EPHA3: variants seen among roughly 807,000 people sequenced by gnomAD.
The protein encoded by EPHA3 is ephrin type-A receptor 3.
In EPHA3, 42 loss-of-function variants were observed where a neutral mutation model predicts 107.1. That is an observed-to-expected ratio of 0.39 (90% CI 0.31 to 0.51). The LOEUF is 0.51. Among genes scored for constraint, EPHA3 ranks in the 20% least tolerant of loss-of-function variants. The pLI is 0.78. For synonymous variants in EPHA3, 461 were observed against 424.8 expected (o/e 1.09, Z -1.05); for missense variants, 1,183 against 1,211.2 (o/e 0.98, Z 0.35).
At chr3:89,238,675 A>C (rs1173783381) in intron 3 of EPHA3, among the ~76,000 whole-genome samples, 1 of 152,242 alleles carries the variant, frequency 6.6e-6, no homozygotes, top group African/African-American at 2.4e-5. Context: ...ACTGTTGCCC[A>C]GGAAAATATG....
At chr3:89,367,518 T>C (rs1469844530) in intron 5 of EPHA3, among the ~76,000 whole-genome samples, 2 of 150,758 alleles carry the variant, frequency 1.3e-5, no homozygotes, top group East Asian at 2.0e-4. Flanking sequence ...CATTAGCATA[T>C]AGTTTCAATC....
chr3:89,124,142 G>A (rs558239988), intron 1 of EPHA3, among the ~76,000 whole-genome samples: 1 of 152,272 alleles, frequency 6.6e-6, no homozygotes, highest in South Asian at 2.1e-4. Context: ...CAACTCATTA[G>A]CCTATCCTGT....
At chr3:89,117,441 T>A (rs1447395720) in intron 1 of EPHA3, among the ~76,000 whole-genome samples, 1 of 152,094 alleles carries the variant, frequency 6.6e-6, no homozygotes, top group Non-Finnish European at 1.5e-5. Context: ...ACTGTATAGC[T>A]TTTAAAGGGA....
chr3:89,444,996 G>C (rs1459599829), intron 13 of EPHA3, among the ~76,000 whole-genome samples: 1 of 152,118 alleles, frequency 6.6e-6, no homozygotes, highest in Non-Finnish European at 1.5e-5. Context: ...AGGTGCGATG[G>C]CTCACACCTG....
At chr3:89,417,700 T>C (rs1450056355) in intron 10 of EPHA3, among the ~76,000 whole-genome samples, 1 of 151,466 alleles carries the variant, frequency 6.6e-6, no homozygotes, top group Non-Finnish European at 1.5e-5. Flanking sequence ...TAAGGAACAC[T>C]ATAGCTGTAG....
At chr3:89,359,165 A>G (rs1279987753) in intron 5 of EPHA3, among the ~76,000 whole-genome samples, 2 of 151,254 alleles carry the variant, frequency 1.3e-5, no homozygotes, top group East Asian at 1.9e-4. Flanking sequence ...CTTATTTCAG[A>G]TAAAGACAAT....
At position 89,314,157 on chromosome 3, in the gene EPHA3, T is replaced by C. The variant is rs147538536; in HGVS notation, c.815-26759T>C. 3.9e-3 allele frequency among the ~76,000 whole-genome samples: 592 copies of C among 152,084 alleles called. 6 individuals are homozygous for C. Among genetic ancestry groups the C allele is most frequent in the African/African-American group, 0.013 (552 of 41,550 alleles). On this transcript the variant is annotated intron_variant, in intron 3 of 16. Coordinates refer to ENST00000336596, the MANE Select transcript of EPHA3 (RefSeq NM_005233.6). Reference sequence around the variant, plus strand: ...ATATGTTTTGAGAGGTCAATTTCACTATCTCAAATCATATAGTCAAATTTC... The same window carrying C: ...ATATGTTTTGAGAGGTCAATTTCACCATCTCAAATCATATAGTCAAATTTC...
intron 3 of EPHA3, among the ~76,000 whole-genome samples, chr3:89,322,933 T>C (rs1707077459): frequency 6.6e-6 from 1 of 151,694 alleles, no homozygotes; most frequent in Admixed American, 6.6e-5. Flanking sequence ...TAAAGTAGGG[T>C]GTGGCAAAGG....
At chr3:89,284,440 C>CT (rs11293555) in intron 3 of EPHA3, among the ~76,000 whole-genome samples, 110 of 151,102 alleles carry the variant, frequency 7.3e-4, no homozygotes, top group African/African-American at 1.2e-3. Context: ...CTACCATCAC[C>CT]TTTTTTTTTA....
chr3:89,333,127 C>G (rs1350597992), intron 3 of EPHA3, among the ~76,000 whole-genome samples: 2 of 152,116 alleles, frequency 1.3e-5, no homozygotes, highest in Non-Finnish European at 2.9e-5. Flanking sequence ...GGAATGAGGC[C>G]AAGATTCTAT....
intron 3 of EPHA3, among the ~76,000 whole-genome samples, chr3:89,271,668 G>C (rs1705672399): frequency 6.6e-6 from 1 of 151,344 alleles, no homozygotes; most frequent in South Asian, 2.1e-4. Flanking sequence ...TGAAATAGAA[G>C]AATAGCAATA....
chr3:89,125,914 TCCTTC>T (rs1704088460), intron 1 of EPHA3, among the ~76,000 whole-genome samples: 1 of 151,606 alleles, frequency 6.6e-6, no homozygotes, highest in Non-Finnish European at 1.5e-5. Flanking sequence ...GATTAATATT[TCCTTC>T]ACAAAAAAAT....
chr3:89,178,513 G>A (rs1479747288), intron 2 of EPHA3, among the ~76,000 whole-genome samples: 1 of 151,946 alleles, frequency 6.6e-6, no homozygotes, highest in African/African-American at 2.4e-5. Flanking sequence ...TGAATTTTTA[G>A]TCCTTGGGGA....
At chr3:89,356,874 G>C (rs1241221328) in intron 5 of EPHA3, among the ~76,000 whole-genome samples, 1 of 150,226 alleles carries the variant, frequency 6.7e-6, no homozygotes, top group East Asian at 2.0e-4. Context: ...GGCAGCCGAG[G>C]CGGGCAGATC....
intron 2 of EPHA3, among the ~76,000 whole-genome samples, chr3:89,139,571 A>G (rs1242709509): frequency 1.3e-5 from 2 of 151,816 alleles, no homozygotes; most frequent in African/African-American, 4.8e-5. Flanking sequence ...AGCTGCTTCC[A>G]TTTTCCATTA....
chr3:89,478,706 C>T (rs535618887), intron 16 of EPHA3, among the ~76,000 whole-genome samples: 2 of 152,268 alleles, frequency 1.3e-5, no homozygotes, highest in South Asian at 4.1e-4. Context: ...GATACAATGT[C>T]AATTCTGGCG....
chr3:89,323,359 A>G (rs1707086869), intron 3 of EPHA3, among the ~76,000 whole-genome samples: 1 of 152,066 alleles, frequency 6.6e-6, no homozygotes, highest in South Asian at 2.1e-4. Context: ...AGGCTTTGTA[A>G]CTTGTTCAGT....
At chr3:89,458,380 T>A (rs145849200) in intron 15 of EPHA3, among the ~76,000 whole-genome samples, 1 of 152,170 alleles carries the variant, frequency 6.6e-6, no homozygotes, top group East Asian at 1.9e-4. Context: ...AGGATGAGGT[T>A]TAGACTACTG....
intron 3 of EPHA3, among the ~76,000 whole-genome samples, chr3:89,320,151 A>C (rs1707010151): frequency 6.6e-6 from 1 of 151,982 alleles, no homozygotes; most frequent in Non-Finnish European, 1.5e-5. Flanking sequence ...TAATATATAG[A>C]AGAAAGATAT....
Sources: gnomAD v4.1 joint callset for allele counts (sites outside exome capture counted in the v4.1 genomes callset) on GRCh38, gnomAD v4.1.1 for gene constraint, MANE v1.5 for transcripts, NCBI Gene and HGNC (gene_info 2026-07-23, HGNC 2026-07-21) for gene names.